The following TANC2 variants were observed in gnomAD, a reference collection of about 807,000 sequenced individuals.
TANC2 encodes the protein protein TANC2.
In TANC2, 26 loss-of-function variants were observed where a neutral mutation model predicts 210.5. The observed-to-expected ratio is 0.12, with a 90% CI of 0.09 to 0.17. TANC2 has a LOEUF of 0.17. Ranked by LOEUF, TANC2 falls within the 10% of genes least tolerant of loss-of-function variation. TANC2 has a pLI of 1.00. For missense variants in TANC2, 2,129 were observed against 2,608.9 expected (o/e 0.82, Z 4.01); for synonymous variants, 931 against 967.1 (o/e 0.96, Z 0.69).
At chr17:63,296,583 C>T (rs747058921) in intron 9 of TANC2, among the ~76,000 whole-genome samples, 6 of 152,142 alleles carry the variant, frequency 3.9e-5, no homozygotes, top group Non-Finnish European at 5.9e-5. Context: ...ATCCCTGAGG[C>T]AGCTGAGACA....
intron 9 of TANC2, among the ~76,000 whole-genome samples, chr17:63,313,906 CTG>C (rs2045216449): frequency 6.6e-6 from 1 of 152,180 alleles, no homozygotes. Context: ...AAATATGTTA[CTG>C]GTTAGTAAAG....
exon 8 of TANC2, chr17:63,237,886 C>T (rs2042665291): frequency 6.4e-7 from 1 of 1,565,238 alleles, no homozygotes; most frequent in Non-Finnish European, 8.7e-7. Context: ...GAATTAGGAT[C>T]TGGAGGAAAC....
At position 63,421,445 on chromosome 17, in the gene TANC2, C is replaced by T. The variant is rs755345134; in HGVS notation, c.5715C>T (p.Asp1905=). The T allele has an allele frequency of 2.2e-5, 35 of 1,613,898 alleles. No homozygotes were observed. The highest frequency in any genetic ancestry group is 1.6e-4 in the Middle Eastern group (1 of 6,084). ...AACCTGCATATGAGAGGTCATGTGA[C>T]GAGCTGTCGCCAGTGTCTCCAACTC... The change falls in exon 28 of 28, where the codon GAC becomes GAT. Residue 1905 remains aspartate, a synonymous_variant. Coordinates refer to ENST00000689528, the Ensembl canonical transcript of TANC2. The surrounding 1 kb of genome is among the most constrained non-coding windows in gnomAD (Gnocchi z 6.9).
intron 1 of TANC2, among the ~76,000 whole-genome samples, chr17:62,969,252 G>A (rs1287405320): frequency 6.6e-6 from 1 of 152,158 alleles, no homozygotes; most frequent in Non-Finnish European, 1.5e-5. Context: ...TGTTATTTCT[G>A]TTTTACAGAT....
intron 4 of TANC2, among the ~76,000 whole-genome samples, chr17:63,130,330 G>A (rs1230430743): frequency 6.6e-6 from 1 of 151,984 alleles, no homozygotes; most frequent in African/African-American, 2.4e-5. Flanking sequence ...TGGCCAACAT[G>A]GTGAAACCCC....
chr17:63,284,306 C>T (rs1313485339), intron 9 of TANC2, among the ~76,000 whole-genome samples: 1 of 151,810 alleles, frequency 6.6e-6, no homozygotes, highest in East Asian at 1.9e-4. Flanking sequence ...TTGGTCATGA[C>T]TTTTTAATAT....
rs189883756 is a variant in TANC2, at chr17:63,400,128, T to C, written c.3331+1214T>C. Among the ~76,000 whole-genome samples, 559 of 152,352 alleles carry C rather than the reference T, an allele frequency of 3.7e-3. 3 individuals carry two copies. Among genetic ancestry groups the C allele is most frequent in the Middle Eastern group, 6.8e-3 (2 of 294 alleles). Reference sequence around the variant, plus strand: ...GAGCTGCAGGAGGGACATGTTGGTGTGTTTCTATCAGCACAGCCTTCTCCA... The same window carrying C: ...GAGCTGCAGGAGGGACATGTTGGTGCGTTTCTATCAGCACAGCCTTCTCCA... On this transcript the variant is annotated intron_variant, in intron 19 of 27. Coordinates refer to ENST00000689528, the Ensembl canonical transcript of TANC2.
At position 63,233,385 on chromosome 17, in the gene TANC2, C is replaced by T. The variant is rs1250432907; in HGVS notation, c.770-4429C>T. Among the ~76,000 whole-genome samples the T allele has an allele frequency of 5.3e-5, 8 of 152,268 alleles. No individual in the cohort carries two copies. The East Asian group carries it at 1.5e-3, about 29-fold the overall frequency. On this transcript the variant is annotated intron_variant, in intron 7 of 27. Transcript: ENST00000689528. ...GGGATCTCCTGATCTGTGGGTTGCACAGATCCATGGAAAAACCGTGGATCG... is the reference window on the plus strand; with the variant it reads ...GGGATCTCCTGATCTGTGGGTTGCATAGATCCATGGAAAAACCGTGGATCG...
chr17:63,319,663 T>A (rs1228427818), intron 11 of TANC2, among the ~76,000 whole-genome samples: 1 of 152,224 alleles, frequency 6.6e-6, no homozygotes, highest in Non-Finnish European at 1.5e-5. Flanking sequence ...AAGTGGTATG[T>A]TTTACCCAAC....
At chr17:62,981,673 A>G (rs2032308890) in intron 1 of TANC2, among the ~76,000 whole-genome samples, 1 of 152,156 alleles carries the variant, frequency 6.6e-6, no homozygotes, top group Non-Finnish European at 1.5e-5. Flanking sequence ...AGTCCTCCGT[A>G]AGACTACTCT....
intron 7 of TANC2, among the ~76,000 whole-genome samples, chr17:63,205,315 T>C (rs975032844): frequency 1.3e-4 from 6 of 46,880 alleles, no homozygotes; most frequent in Admixed American, 3.3e-4. Flanking sequence ...TTAAAAACTG[T>C]AAAACTGCTC....
intron 15 of TANC2, among the ~76,000 whole-genome samples, chr17:63,383,003 G>A (rs866615913): frequency 6.6e-6 from 1 of 152,118 alleles, no homozygotes; most frequent in Non-Finnish European, 1.5e-5. Context: ...TACTCCCAGA[G>A]ATTATGAGTC....
At chr17:63,036,744 A>G (rs2034987063) in intron 2 of TANC2, among the ~76,000 whole-genome samples, 1 of 151,488 alleles carries the variant, frequency 6.6e-6, no homozygotes, top group Admixed American at 6.6e-5. Flanking sequence ...TGAACATGTT[A>G]TGTCTTTCCA....
intron 19 of TANC2, 110 bp downstream of exon 19, chr17:63,399,024 C>T (rs2147233574): frequency 1.4e-6 from 1 of 719,816 alleles, no homozygotes; most frequent in African/African-American, 1.8e-5. Context: ...CTGTCTCAGG[C>T]TTTTGTAATG....
At chr17:63,416,979 TC>T (rs1318538489) in intron 26 of TANC2, among the ~76,000 whole-genome samples, 3 of 152,230 alleles carry the variant, frequency 2.0e-5, no homozygotes, top group African/African-American at 7.2e-5. Flanking sequence ...CCCACTGATC[TC>T]TTTTCCCTAC....
chr17:63,103,885 G>C (rs1302538508), intron 4 of TANC2, among the ~76,000 whole-genome samples: 1 of 152,100 alleles, frequency 6.6e-6, no homozygotes, highest in Non-Finnish European at 1.5e-5. Flanking sequence ...CCACTTTACA[G>C]ATGAGCAAAT....
intron 14 of TANC2, among the ~76,000 whole-genome samples, chr17:63,371,676 T>TCCTG (rs1375259183): frequency 6.6e-6 from 1 of 152,190 alleles, no homozygotes; most frequent in African/African-American, 2.4e-5. Flanking sequence ...ACTAGCTATC[T>TCCTG]CCTGGGGTGC....
chr17:63,327,423 A>G (rs1258219029), intron 11 of TANC2, among the ~76,000 whole-genome samples: 2 of 152,260 alleles, frequency 1.3e-5, no homozygotes, highest in Non-Finnish European at 2.9e-5. Context: ...CCACACGCCC[A>G]TGTTCATTGC....
chr17:63,218,958 G>A (rs933866691), intron 7 of TANC2, among the ~76,000 whole-genome samples: 2 of 152,100 alleles, frequency 1.3e-5, no homozygotes, highest in South Asian at 2.1e-4. Context: ...ATGCAAAAAA[G>A]TATTGTATTT....
Sources: gnomAD v4.1 joint callset for allele counts (sites outside exome capture counted in the v4.1 genomes callset) on GRCh38, gnomAD v4.1.1 for gene constraint, Gnocchi (gnomAD v3.1) non-coding constraint, MANE v1.5 for transcripts, NCBI Gene and HGNC (gene_info 2026-07-23, HGNC 2026-07-21) for gene names.